Variants in LEPROT observed in about 807,000 individuals in gnomAD.
LEPROT encodes leptin receptor overlapping transcript.
In LEPROT, 3 loss-of-function variants were observed where a neutral mutation model predicts 15.4. The ratio of observed to expected loss-of-function variants is 0.19; its 90% CI spans 0.09 to 0.50. The LOEUF is 0.50. Among genes scored for constraint, LEPROT ranks in the 20% least tolerant of loss-of-function variants. LEPROT has a pLI of 0.97. For missense variants in LEPROT, 137 were observed against 162.2 expected (o/e 0.84, Z 0.84); for synonymous variants, 59 against 57.5 (o/e 1.03, Z -0.12).
intron 1 of LEPROT, among the ~76,000 whole-genome samples, chr1:65,424,885 C>G (rs1191273561): frequency 6.6e-6 from 1 of 152,178 alleles, no homozygotes; most frequent in African/African-American, 2.4e-5. Context: ...AAAGGTCCAC[C>G]TCCTGATAGC....
chr1:65,431,741 G>A, intron 3 of LEPROT, 62 bp from the exon 4 acceptor site: 2 of 1,514,334 alleles, frequency 1.3e-6, no homozygotes, highest in South Asian at 1.2e-5. Context: ...AAAATAATAG[G>A]GATTGCAAAG....
At chr1:65,430,896 G>A (rs963121009) in intron 3 of LEPROT, among the ~76,000 whole-genome samples, 1 of 152,194 alleles carries the variant, frequency 6.6e-6, no homozygotes, top group African/African-American at 2.4e-5. Flanking sequence ...TTTGATATGG[G>A]CCTCTAAGGA....
Position 65,434,775 on chromosome 1 carries a change from C to T in LEPROT, c.*2856C>T. ...TTGTTCACCTCTCCCAACTGAGAAC[C>T]TTCCCACTGGGCTCCATCCTCCCTC... is the stretch of plus-strand genomic sequence containing the variant. On this transcript the variant is annotated 3_prime_UTR_variant, in exon 4 of 4. Transcript: ENST00000371065. 1.0e-6 allele frequency: 1 copy of T among 985,428 alleles called. No homozygotes were observed. Among genetic ancestry groups the T allele is most frequent in the Non-Finnish European group, 1.2e-6 (1 of 829,976 alleles). 61.0% of individuals were successfully genotyped at this position (985,428 alleles called of 1,614,324 possible).
At position 65,435,712 on chromosome 1, in the gene LEPROT, A is replaced by G. The variant is rs762120769; in HGVS notation, c.*3793A>G. 10 of 985,438 alleles carry G rather than the reference A, an allele frequency of 1.0e-5. No individual in the cohort carries two copies. Among genetic ancestry groups the G allele is most frequent in the Non-Finnish European group, 1.2e-5 (10 of 829,934 alleles). 61.0% of individuals were successfully genotyped at this position (985,438 alleles called of 1,614,324 possible). A position where few individuals can be genotyped will look rare whatever the true frequency, so the allele number is the denominator to read the frequency against. ...TTGCGAAATCAGATTTTGTATCCCA[A>G]TAGAACCAAAATATTTATGAGGATG... On this transcript the variant is annotated 3_prime_UTR_variant, in exon 4 of 4. Transcript: ENST00000371065.
In LEPROT at chr1:65,431,337, C is replaced by T. The variant is rs544944666; in HGVS notation, c.280-466C>T. ...AAATGTGCTTCTGTAAAACCATCTACAAACCATCTACTAAGCTGGAAAGCA... is the reference window on the plus strand; with the variant it reads ...AAATGTGCTTCTGTAAAACCATCTATAAACCATCTACTAAGCTGGAAAGCA... On this transcript the variant is annotated intron_variant, in intron 3 of 3. Transcript: ENST00000371065. 1.0e-3 allele frequency among the ~76,000 whole-genome samples: 157 copies of T among 152,310 alleles called. 1 individual carries two copies. Among genetic ancestry groups the T allele is most frequent in the Non-Finnish European group, 2.0e-3 (134 of 68,024 alleles).
Position 65,434,536 on chromosome 1 carries a change from C to T in LEPROT, c.*2617C>T. The T allele has an allele frequency of 1.0e-6, 1 of 985,068 alleles. No individual in the cohort carries two copies. The highest frequency in any genetic ancestry group is 1.2e-6 in the Non-Finnish European group (1 of 829,650). The allele number at this position is 985,068 out of a possible 1,614,324, so 61.0% of individuals were successfully genotyped here. ...TGATTGAGTTCCCAGGCCAAGCCTC[C>T]CTCAACAGGTTCAACTCTAATATAC... On this transcript the variant is annotated 3_prime_UTR_variant, in exon 4 of 4. Coordinates refer to ENST00000371065, the MANE Select transcript of LEPROT (RefSeq NM_017526.5).
Position 65,432,979 on chromosome 1 carries a change from AC to A in LEPROT, c.*1061del. ...AAAACATACTCTCTCCCCCAAAAAA[AC>A]ATCTCAGTGGGGAACAGATGTATCT... is the stretch of plus-strand genomic sequence containing the variant. On this transcript the variant is annotated 3_prime_UTR_variant, in exon 4 of 4. Transcript: ENST00000371065. 1 of 985,456 alleles carries A rather than the reference AC, an allele frequency of 1.0e-6. No individual in the cohort carries two copies. Among genetic ancestry groups the A allele is most frequent in the Non-Finnish European group, 1.2e-6 (1 of 829,934 alleles). The allele number at this position is 985,456 out of a possible 1,614,324, so 61.0% of individuals were successfully genotyped here. A position where few individuals can be genotyped will look rare whatever the true frequency, so the allele number is the denominator to read the frequency against.
At chr1:65,425,799 A>G (rs1000836931) in intron 2 of LEPROT, among the ~76,000 whole-genome samples, 1 of 152,184 alleles carries the variant, frequency 6.6e-6, no homozygotes, top group African/African-American at 2.4e-5. Flanking sequence ...TGCATGGCAG[A>G]GGTTGTATCT....
Position 65,435,660 on chromosome 1 carries a change from C to T in LEPROT, c.*3741C>T. 4.1e-6 allele frequency: 4 copies of T among 985,198 alleles called. No homozygotes were observed. Among genetic ancestry groups the T allele is most frequent in the Non-Finnish European group, 4.8e-6 (4 of 829,762 alleles). The allele number at this position is 985,198 out of a possible 1,614,324, so 61.0% of individuals were successfully genotyped here. A position where few individuals can be genotyped will look rare whatever the true frequency, so the allele number is the denominator to read the frequency against. Reference sequence around the variant, plus strand: ...GGGATTACAGGCCTGAGCCACTGTGCCCAGCCAAAATGTGCCTTTGCAAAG... The same window carrying T: ...GGGATTACAGGCCTGAGCCACTGTGTCCAGCCAAAATGTGCCTTTGCAAAG... On this transcript the variant is annotated 3_prime_UTR_variant, in exon 4 of 4. Transcript: ENST00000371065.
chr1:65,420,853 C>T lies in LEPROT; in HGVS notation c.16+113C>T, dbSNP rs1054281079. ...GTTGGGGAACGGCCTCACCACCCTTCCCGCCTCTCCGGTTCGGGAGGCGAT... is the reference window on the plus strand; with the variant it reads ...GTTGGGGAACGGCCTCACCACCCTTTCCGCCTCTCCGGTTCGGGAGGCGAT... On this transcript the variant is annotated intron_variant, in intron 1 of 3. Coordinates refer to ENST00000371065, the MANE Select transcript of LEPROT (RefSeq NM_017526.5). 5.4e-6 allele frequency: 7 copies of T among 1,307,430 alleles called. No homozygotes were observed. In the South Asian group the frequency reaches 9.2e-5, roughly 17 times the overall value. 81.0% of individuals were successfully genotyped at this position (1,307,430 alleles called of 1,614,324 possible). A position where few individuals can be genotyped will look rare whatever the true frequency, so the allele number is the denominator to read the frequency against.
rs892859553 is a variant in LEPROT, at chr1:65,433,095, G to T, written c.*1176G>T. The T allele has an allele frequency of 3.0e-6, 3 of 985,300 alleles. No individual in the cohort carries two copies. Among genetic ancestry groups the T allele is most frequent in the Non-Finnish European group, 3.6e-6 (3 of 829,938 alleles). The allele number at this position is 985,300 out of a possible 1,614,324, so 61.0% of individuals were successfully genotyped here. A position where few individuals can be genotyped will look rare whatever the true frequency, so the allele number is the denominator to read the frequency against. On this transcript the variant is annotated 3_prime_UTR_variant, in exon 4 of 4. Transcript: ENST00000371065. ...GAGCCAGCCCCTGCGTTAGCAGGAG[G>T]GGGAGAACAGATAGGTAACTCTTTT...
chr1:65,425,834 A>C (rs543779325), intron 2 of LEPROT, among the ~76,000 whole-genome samples: 10 of 152,332 alleles, frequency 6.6e-5, no homozygotes, highest in African/African-American at 2.4e-4. Context: ...TGGATGAATA[A>C]GAGTTTTTCA....
intron 2 of LEPROT, chr1:65,428,058 C>T (rs1274558390): frequency 6.5e-6 from 1 of 154,728 alleles, no homozygotes; most frequent in African/African-American, 2.4e-5. Context: ...TTGCATTGCT[C>T]TGCCAATTAT....
intron 1 of LEPROT, among the ~76,000 whole-genome samples, chr1:65,421,713 G>A (rs1292486974): frequency 6.6e-6 from 1 of 152,146 alleles, no homozygotes; most frequent in Non-Finnish European, 1.5e-5. Context: ...AGTAAACATG[G>A]TTTACTTGGA....
At position 65,420,702 on chromosome 1, in the gene LEPROT, G is replaced by A. The variant is rs769934654; in HGVS notation, c.-23G>A. The A allele has an allele frequency of 5.1e-6, 8 of 1,577,744 alleles. No individual in the cohort carries two copies. Among genetic ancestry groups the A allele is most frequent in the Non-Finnish European group, 6.9e-6 (8 of 1,164,064 alleles). On this transcript the variant is annotated 5_prime_UTR_variant, in exon 1 of 4. Transcript: ENST00000371065. The stretch of plus-strand genomic sequence containing the variant: ...GGGCCGTGGCAGGAAGCCGGAAGCA[G>A]CCGCGGCCCCAGTTCGGGAGACATG...
intron 2 of LEPROT, among the ~76,000 whole-genome samples, chr1:65,425,991 C>T (rs916989413): frequency 1.3e-5 from 2 of 152,178 alleles, no homozygotes; most frequent in African/African-American, 4.8e-5. Context: ...AGGTCCTGCT[C>T]TCTCAGAGTT....
chr1:65,432,177 T>C lies in LEPROT; in HGVS notation c.*258T>C, dbSNP rs1031272324. ...ATGTAGTCACGGTGCTCTCAGAAAA[T>C]ATATTAACGCAGTCTTGTAGGCAGC... is the stretch of plus-strand genomic sequence containing the variant. On this transcript the variant is annotated 3_prime_UTR_variant, in exon 4 of 4. Transcript: ENST00000371065. The C allele has an allele frequency of 3.5e-6, 4 of 1,133,134 alleles. No homozygotes were observed. Among genetic ancestry groups the C allele is most frequent in the Non-Finnish European group, 3.3e-6 (3 of 921,832 alleles). 70.2% of individuals were successfully genotyped at this position (1,133,134 alleles called of 1,614,324 possible).
Position 65,421,535 on chromosome 1 carries a change from T to C in LEPROT, c.16+795T>C, listed in dbSNP as rs1475331975. The C allele has an allele frequency of 3.3e-6, 5 of 1,510,624 alleles. No individual in the cohort carries two copies. In the African/African-American group the frequency reaches 6.9e-5, roughly 21 times the overall value. 93.6% of individuals were successfully genotyped at this position (1,510,624 alleles called of 1,614,324 possible). A position where few individuals can be genotyped will look rare whatever the true frequency, so the allele number is the denominator to read the frequency against. ...TTTTATATTGGCTTTTATATCATCC[T>C]TGAAATTTGCACCCAAAGATATCCC... On this transcript the variant is annotated intron_variant, in intron 1 of 3. Transcript: ENST00000371065.
rs1553150183 is a variant in LEPROT at position 65,422,335 on chromosome 1, T to TTGGCAACCACGC, written c.16+1604_16+1605insCGCTGGCAACCA. Among the ~76,000 whole-genome samples the TTGGCAACCACGC allele has an allele frequency of 9.6e-3, 1,444 of 151,100 alleles. 12 individuals carry two copies. Among genetic ancestry groups the TTGGCAACCACGC allele is most frequent in the Non-Finnish European group, 0.015 (1,009 of 67,746 alleles). On this transcript the variant is annotated intron_variant, in intron 1 of 3. Coordinates refer to ENST00000371065, the MANE Select transcript of LEPROT (RefSeq NM_017526.5). ...ACAAAGTCAGGAGCACCAAAGATTG[T>TTGGCAACCACGC]TGGCAACCATGCTGGCAACCACTGA...
Sources: allele counts gnomAD v4.1 joint callset (sites outside exome capture counted in the v4.1 genomes callset), GRCh38; gene constraint gnomAD v4.1.1; transcripts MANE v1.5; gene names NCBI Gene and HGNC (gene_info 2026-07-23, HGNC 2026-07-21).